The following ROBO2 variants were observed in gnomAD, a reference collection of about 807,000 sequenced individuals.
The protein encoded by ROBO2 is roundabout homolog 2.
A neutral mutation model predicts 160.8 loss-of-function variants in ROBO2; 53 were observed. That is an observed-to-expected ratio of 0.33 (90% CI 0.26 to 0.41). The LOEUF is 0.41. ROBO2 is among the 10% of genes least tolerant of loss of function. ROBO2 has a pLI of 1.00. For missense variants in ROBO2, 1,577 were observed against 1,722.4 expected (o/e 0.92, Z 1.49); for synonymous variants, 664 against 611.7 (o/e 1.09, Z -1.26).
intron 2 of ROBO2, among the ~76,000 whole-genome samples, chr3:77,391,384 G>T (rs1218018532): frequency 6.6e-6 from 1 of 151,564 alleles, no homozygotes; most frequent in Non-Finnish European, 1.5e-5. Context: ...ACGGCTCACT[G>T]CAGCCTCAAC....
At chr3:77,458,280 C>G (rs1285081286) in intron 2 of ROBO2, among the ~76,000 whole-genome samples, 2 of 152,146 alleles carry the variant, frequency 1.3e-5, no homozygotes, top group African/African-American at 4.8e-5. Flanking sequence ...TTTGTACTTG[C>G]AATTGCAGAA....
At chr3:77,372,924 A>C (rs2071986111) in intron 2 of ROBO2, among the ~76,000 whole-genome samples, 1 of 151,954 alleles carries the variant, frequency 6.6e-6, no homozygotes, top group Admixed American at 6.6e-5. Flanking sequence ...CAGTTCAGGA[A>C]GTATATGTGC....
At chr3:76,115,843 T>C (rs2070446436) in intron 2 of ROBO2, among the ~76,000 whole-genome samples, 1 of 152,118 alleles carries the variant, frequency 6.6e-6, no homozygotes. Flanking sequence ...AGCCAATCTC[T>C]TTGAGGTTCC....
intron 2 of ROBO2, among the ~76,000 whole-genome samples, chr3:77,112,543 C>A (rs184208119): frequency 5.3e-5 from 8 of 151,916 alleles, no homozygotes; most frequent in African/African-American, 1.7e-4. Flanking sequence ...CGCGCCCTGC[C>A]GAGAAAGATC....
intron 2 of ROBO2, among the ~76,000 whole-genome samples, chr3:77,325,709 T>C (rs1184336230): frequency 3.3e-5 from 5 of 152,214 alleles, no homozygotes; most frequent in African/African-American, 1.2e-4. Flanking sequence ...AAGTAATCTT[T>C]TGTTTAAAAT....
intron 2 of ROBO2, among the ~76,000 whole-genome samples, chr3:76,537,032 G>A (rs1348296136): frequency 6.6e-6 from 1 of 152,054 alleles, no homozygotes; most frequent in East Asian, 1.9e-4. Flanking sequence ...TAAGGTTGGG[G>A]AGTGGAGGCT....
At chr3:76,114,909 G>A (rs1016685534) in intron 2 of ROBO2, among the ~76,000 whole-genome samples, 1 of 151,930 alleles carries the variant, frequency 6.6e-6, no homozygotes, top group Non-Finnish European at 1.5e-5. Context: ...AAATTGTCTT[G>A]GGCACTCAGA....
intron 6 of ROBO2, among the ~76,000 whole-genome samples, chr3:77,528,801 G>A (rs982260170): frequency 6.6e-6 from 1 of 151,606 alleles, no homozygotes; most frequent in African/African-American, 2.4e-5. Flanking sequence ...AACATAAACT[G>A]CAGGGTGTTT....
At chr3:77,232,850 CA>C (rs750412021) in intron 2 of ROBO2, among the ~76,000 whole-genome samples, 7 of 152,114 alleles carry the variant, frequency 4.6e-5, no homozygotes, top group Non-Finnish European at 7.4e-5. Context: ...ACATCTAGTG[CA>C]GTGCTCAAAA....
intron 2 of ROBO2, among the ~76,000 whole-genome samples, chr3:77,412,241 A>G (rs2076864964): frequency 6.6e-6 from 1 of 152,220 alleles, no homozygotes; most frequent in Non-Finnish European, 1.5e-5. Flanking sequence ...CAAAGCAGTC[A>G]CTGCCACTCA....
chr3:75,968,074 G>A (rs561563311), intron 2 of ROBO2, among the ~76,000 whole-genome samples: 1 of 151,418 alleles, frequency 6.6e-6, no homozygotes, highest in Non-Finnish European at 1.5e-5. Flanking sequence ...CGTTATTTTC[G>A]AAAATGGTTG....
intron 2 of ROBO2, among the ~76,000 whole-genome samples, chr3:76,515,347 T>C (rs763352266): frequency 3.9e-5 from 6 of 152,202 alleles, no homozygotes; most frequent in Non-Finnish European, 8.8e-5. Flanking sequence ...TTTTGAAGTC[T>C]ATTTTAACTT....
chr3:76,017,126 C>T (rs1168043981), intron 2 of ROBO2, among the ~76,000 whole-genome samples: 6 of 152,196 alleles, frequency 3.9e-5, no homozygotes, highest in Non-Finnish European at 8.8e-5. Flanking sequence ...TCCTAGCCAA[C>T]TACAACAATT....
chr3:76,083,987 C>G (rs1193548809), intron 2 of ROBO2, among the ~76,000 whole-genome samples: 1 of 152,000 alleles, frequency 6.6e-6, no homozygotes, highest in Admixed American at 6.6e-5. Flanking sequence ...TGCTCTTAGT[C>G]TATTGTTTTT....
chr3:76,534,136 G>A lies in ROBO2; in HGVS notation c.110-563878G>A, dbSNP rs17014327. 2.2e-3 allele frequency among the ~76,000 whole-genome samples: 333 copies of A among 152,102 alleles called. 4 individuals are homozygous for A. In the East Asian group the frequency reaches 0.045, roughly 20 times the overall value. ...GAGTTTTTTTTGGAGGGGTAAGGGCGATGTCTCTCAGGACTGCTTCAAGCG... is the reference window on the plus strand; with the variant it reads ...GAGTTTTTTTTGGAGGGGTAAGGGCAATGTCTCTCAGGACTGCTTCAAGCG... On this transcript the variant is annotated intron_variant, in intron 2 of 26. Coordinates refer to the ROBO2 transcript ENST00000487694.
At chr3:76,267,751 A>G (rs1707183100) in intron 2 of ROBO2, among the ~76,000 whole-genome samples, 1 of 152,162 alleles carries the variant, frequency 6.6e-6, no homozygotes, top group Non-Finnish European at 1.5e-5. Context: ...GAATACTTTA[A>G]TGATTCTTAA....
intron 2 of ROBO2, among the ~76,000 whole-genome samples, chr3:76,488,873 C>G (rs185768965): frequency 6.6e-6 from 1 of 152,074 alleles, no homozygotes; most frequent in East Asian, 1.9e-4. Flanking sequence ...AAATTATAGC[C>G]TTTGTCCTAC....
At chr3:76,264,425 T>C (rs1350545235) in intron 2 of ROBO2, among the ~76,000 whole-genome samples, 2 of 151,914 alleles carry the variant, frequency 1.3e-5, no homozygotes, top group Admixed American at 1.3e-4. Flanking sequence ...TAGCTCCTAC[T>C]TTATAGTACA....
At chr3:76,251,379 G>C (rs982057709) in intron 2 of ROBO2, among the ~76,000 whole-genome samples, 1 of 152,062 alleles carries the variant, frequency 6.6e-6, no homozygotes, top group Non-Finnish European at 1.5e-5. Flanking sequence ...AACAGCTGTA[G>C]ATCTAGGCAG....
Sources: allele counts gnomAD v4.1 joint callset (sites outside exome capture counted in the v4.1 genomes callset), GRCh38; gene constraint gnomAD v4.1.1; transcripts MANE v1.5; gene names NCBI Gene and HGNC (gene_info 2026-07-23, HGNC 2026-07-21).